NTNG1: variants seen among roughly 807,000 people sequenced by gnomAD.
NTNG1 encodes the protein netrin-G1.
In NTNG1, 16 loss-of-function variants were observed where a neutral mutation model predicts 54.0. The observed-to-expected ratio is 0.30, with a 90% confidence interval of 0.20 to 0.45. The LOEUF (loss-of-function observed/expected upper bound fraction) is 0.45, where lower values mean the gene tolerates loss of function less well. Among genes scored for constraint, NTNG1 ranks in the 20% least tolerant of loss-of-function variants. The pLI is 1.00. For missense variants in NTNG1, 530 were observed against 678.7 expected, an observed-to-expected ratio of 0.78 and a Z score of 2.43; for synonymous variants, 255 against 263.1, an observed-to-expected ratio of 0.97 and a Z score of 0.30.
intron 2 of NTNG1, among the ~76,000 whole-genome samples, chr1:107,152,158 T>G (rs574838926): frequency 1.9e-4 from 29 of 152,218 alleles, no homozygotes; most frequent in South Asian, 1.5e-3. Flanking sequence ...ATATTCCTTT[T>G]GAGTTGATGA....
At chr1:107,150,501 C>T (rs1654482970) in intron 2 of NTNG1, among the ~76,000 whole-genome samples, 1 of 152,176 alleles carries the variant, frequency 6.6e-6, no homozygotes, top group Admixed American at 6.6e-5. Context: ...TTGTTAAGAA[C>T]TCTCTAGCTC....
At chr1:107,181,861 C>T (rs1046929393) in intron 2 of NTNG1, among the ~76,000 whole-genome samples, 84 of 152,158 alleles carry the variant, frequency 5.5e-4, no homozygotes, top group African/African-American at 1.6e-3. Context: ...ATATGCAGAA[C>T]GCTCATTTGC....
chr1:107,350,636 T>C (rs1013040268), intron 3 of NTNG1, among the ~76,000 whole-genome samples: 1 of 152,222 alleles, frequency 6.6e-6, no homozygotes, highest in Non-Finnish European at 1.5e-5. Flanking sequence ...GTAATGCATA[T>C]ATACAATGTG....
chr1:107,299,953 G>A (rs538582599), intron 2 of NTNG1, among the ~76,000 whole-genome samples: 2 of 152,258 alleles, frequency 1.3e-5, no homozygotes, highest in South Asian at 4.1e-4. Context: ...AAGAGAGATT[G>A]TTGGCTGTTG....
At chr1:107,146,893 A>C (rs949805393) in intron 1 of NTNG1, among the ~76,000 whole-genome samples, 1 of 152,092 alleles carries the variant, frequency 6.6e-6, no homozygotes, top group Non-Finnish European at 1.5e-5. Flanking sequence ...GTTTGAAGAT[A>C]GTGAACTTCC....
At chr1:107,290,104 G>A (rs558266561) in intron 2 of NTNG1, among the ~76,000 whole-genome samples, 8 of 152,082 alleles carry the variant, frequency 5.3e-5, no homozygotes, top group South Asian at 2.1e-4. Flanking sequence ...CCTGTACCAC[G>A]AATAACTTAG....
At chr1:107,382,764 CCTCTCTCTCT>C (rs138605469) in intron 3 of NTNG1, among the ~76,000 whole-genome samples, 1 of 149,112 alleles carries the variant, frequency 6.7e-6, no homozygotes, top group African/African-American at 2.5e-5. Context: ...TTTCCCTTTT[CCTCTCTCTCT>C]CTCTCTCTCT....
chr1:107,367,095 T>TG (rs397695133), intron 3 of NTNG1, among the ~76,000 whole-genome samples: 2 of 151,500 alleles, frequency 1.3e-5, no homozygotes, highest in East Asian at 1.9e-4. Context: ...TGTGTGTGTG[T>TG]TTCTCTAGCA....
chr1:107,379,200 A>G, intron 3 of NTNG1, among the ~76,000 whole-genome samples: 1 of 152,146 alleles, frequency 6.6e-6, no homozygotes, highest in East Asian at 1.9e-4. Context: ...CGGGTCCTCA[A>G]ATGAAGGGAA....
At chr1:107,326,081 A>G (rs1385947518) in intron 3 of NTNG1, among the ~76,000 whole-genome samples, 1 of 152,072 alleles carries the variant, frequency 6.6e-6, no homozygotes, top group African/African-American at 2.4e-5. Context: ...ACTGCTGTTA[A>G]GGTAAAGACC....
intron 2 of NTNG1, among the ~76,000 whole-genome samples, chr1:107,164,850 A>G (rs1226278401): frequency 6.6e-6 from 1 of 152,192 alleles, no homozygotes; most frequent in Non-Finnish European, 1.5e-5. Context: ...CTTCTATAGA[A>G]GGGTGCAACT....
At chr1:107,210,608 T>C (rs966978613) in intron 2 of NTNG1, among the ~76,000 whole-genome samples, 3 of 152,192 alleles carry the variant, frequency 2.0e-5, no homozygotes, top group Admixed American at 6.5e-5. Flanking sequence ...CTCTTTTCAA[T>C]GTATTTCTTC....
intron 1 of NTNG1, among the ~76,000 whole-genome samples, chr1:107,143,669 C>T (rs1340863627): frequency 6.6e-6 from 1 of 152,056 alleles, no homozygotes; most frequent in Non-Finnish European, 1.5e-5. Context: ...ATTTTATTTG[C>T]AGAATCCAAA....
chr1:107,431,874 A>T (rs1054713935), intron 6 of NTNG1, among the ~76,000 whole-genome samples: 1 of 152,200 alleles, frequency 6.6e-6, no homozygotes, highest in African/African-American at 2.4e-5. Flanking sequence ...AATAGGATAC[A>T]CAAGCTGAAT....
At chr1:107,329,259 C>T (rs1346098978) in intron 3 of NTNG1, among the ~76,000 whole-genome samples, 3 of 152,178 alleles carry the variant, frequency 2.0e-5, no homozygotes, top group Non-Finnish European at 1.5e-5. Flanking sequence ...TGCCTAATCC[C>T]AGGACCTGCA....
At chr1:107,144,829 G>T (rs1032565099) in intron 1 of NTNG1, among the ~76,000 whole-genome samples, 12 of 151,926 alleles carry the variant, frequency 7.9e-5, no homozygotes, top group Non-Finnish European at 1.8e-4. Flanking sequence ...ACCTATTAAT[G>T]GGTATTTTTA....
chr1:107,398,264 T>A (rs1299329125), intron 4 of NTNG1, among the ~76,000 whole-genome samples: 2 of 152,134 alleles, frequency 1.3e-5, no homozygotes, highest in African/African-American at 4.8e-5. Context: ...AATGTGCACA[T>A]GTACCCTAAA....
Position 107,238,469 on chromosome 1 carries a change from A to G in NTNG1, c.247-85813A>G, listed in dbSNP as rs1388009125. Among the ~76,000 whole-genome samples the G allele has an allele frequency of 2.6e-5, 4 of 152,284 alleles. No individual in the cohort carries two copies. The East Asian group carries it at 7.7e-4, about 29-fold the overall frequency. ...TTGGGAAGGCATGATTGGTTTTGAAATGTGAGGACATAAGAATTGGGAGGA... is the reference window on the plus strand; with the variant it reads ...TTGGGAAGGCATGATTGGTTTTGAAGTGTGAGGACATAAGAATTGGGAGGA... On this transcript the variant is annotated intron_variant, in intron 2 of 7. Coordinates refer to ENST00000370068, the MANE Select transcript of NTNG1 (RefSeq NM_001113226.3).
intron 3 of NTNG1, among the ~76,000 whole-genome samples, chr1:107,382,131 G>A (rs1335745064): frequency 2.0e-5 from 3 of 152,170 alleles, no homozygotes; most frequent in East Asian, 1.9e-4. Context: ...TGCTTAACCT[G>A]AGAATGAGGA....
Sources: gnomAD v4.1 joint callset for allele counts (sites outside exome capture counted in the v4.1 genomes callset) on GRCh38, gnomAD v4.1.1 for gene constraint, MANE v1.5 for transcripts, NCBI Gene and HGNC (gene_info 2026-07-23, HGNC 2026-07-21) for gene names.